The following GRIN2A variants were observed in gnomAD, a reference collection of about 807,000 sequenced individuals.
GRIN2A encodes glutamate ionotropic receptor NMDA type subunit 2A, also known as glutamate receptor ionotropic, NMDA 2A.
In GRIN2A, 22 loss-of-function variants were observed where a neutral mutation model predicts 113.4. The ratio of observed to expected loss-of-function variants is 0.19; its 90% confidence interval spans 0.14 to 0.28. The LOEUF (loss-of-function observed/expected upper bound fraction) is 0.28. GRIN2A is among the 10% of genes least tolerant of loss of function. GRIN2A has a pLI of 1.00. For missense variants in GRIN2A, 1,502 were observed against 1,887.0 expected (o/e 0.80, Z 3.78); for synonymous variants, 827 against 738.4 (o/e 1.12, Z -1.94).
intron 2 of GRIN2A, among the ~76,000 whole-genome samples, chr16:10,174,045 C>T (rs748205415): frequency 9.9e-5 from 15 of 152,130 alleles, no homozygotes; most frequent in Non-Finnish European, 1.5e-4. Flanking sequence ...AACTGAAAGA[C>T]GGGACTCTAG....
At chr16:10,004,390 A>G (rs1358696674) in intron 2 of GRIN2A, among the ~76,000 whole-genome samples, 4 of 148,462 alleles carry the variant, frequency 2.7e-5, no homozygotes, top group East Asian at 1.9e-4. Context: ...CTCCATCTCA[A>G]AAAAAAAAAA....
In GRIN2A at chr16:9,975,769, A is replaced by G. The variant is rs188979738; in HGVS notation, c.415-37218T>C. Among the ~76,000 whole-genome samples the G allele has an allele frequency of 4.6e-5, 7 of 152,348 alleles. 1 individual carries two copies. The highest frequency in any genetic ancestry group is 4.6e-4 in the Admixed American group (7 of 15,306). On this transcript the variant is annotated intron_variant, in intron 2 of 12. Coordinates refer to ENST00000330684, the MANE Select transcript of GRIN2A (RefSeq NM_001134407.3). ...ACAAGACCAACTATTCTCTACCTACAAGAGATGTACTTTCAATGTAAAGAC... is the reference window on the plus strand; with the variant it reads ...ACAAGACCAACTATTCTCTACCTACGAGAGATGTACTTTCAATGTAAAGAC...
In GRIN2A at chr16:9,848,163, T is replaced by A. The variant is rs186607454; in HGVS notation, c.1328+1593A>T. 1.1e-3 allele frequency among the ~76,000 whole-genome samples: 159 copies of A among 148,710 alleles called. No individual in the cohort carries two copies. In the Middle Eastern group the frequency reaches 0.011, roughly 10 times the overall value. ...TATATAAAATATGTAAAAATATATG[T>A]TTTATATATCTCAATATATAAAAAT... On this transcript the variant is annotated intron_variant, in intron 5 of 12. Coordinates refer to ENST00000330684, the MANE Select transcript of GRIN2A (RefSeq NM_001134407.3).
chr16:10,057,298 G>A (rs145697401), intron 2 of GRIN2A, among the ~76,000 whole-genome samples: 2 of 152,118 alleles, frequency 1.3e-5, no homozygotes, highest in African/African-American at 4.8e-5. Context: ...TAAATACAAT[G>A]GGCTTGCTAT....
At chr16:9,874,863 A>G (rs750003369) in intron 4 of GRIN2A, among the ~76,000 whole-genome samples, 8 of 152,092 alleles carry the variant, frequency 5.3e-5, no homozygotes, top group Admixed American at 3.3e-4. Context: ...AGGCAGGCAG[A>G]TTGCCTGGGC....
intron 2 of GRIN2A, among the ~76,000 whole-genome samples, chr16:9,975,344 C>T (rs1397290412): frequency 6.6e-6 from 1 of 152,184 alleles, no homozygotes; most frequent in Non-Finnish European, 1.5e-5. Context: ...ATGGATCCTA[C>T]TCACAAGTCC....
intron 3 of GRIN2A, among the ~76,000 whole-genome samples, chr16:9,892,520 G>A (rs2043714595): frequency 6.6e-6 from 1 of 152,066 alleles, no homozygotes; most frequent in Non-Finnish European, 1.5e-5. Context: ...ATTAGATGAG[G>A]GGAAGGGAGA....
At chr16:9,984,147 G>T (rs1364928631) in intron 2 of GRIN2A, among the ~76,000 whole-genome samples, 1 of 151,996 alleles carries the variant, frequency 6.6e-6, no homozygotes, top group Non-Finnish European at 1.5e-5. Flanking sequence ...GATTAGTGAT[G>T]TCAAGTATTT....
intron 5 of GRIN2A, 115 bp from the exon 6 acceptor site, chr16:9,841,219 AGT>A: frequency 1.1e-6 from 1 of 879,958 alleles, no homozygotes; most frequent in East Asian, 2.6e-5. Context: ...TAAAAGGGGA[AGT>A]GGCTTTCCCA....
chr16:10,039,196 G>C (rs1229203622), intron 2 of GRIN2A, among the ~76,000 whole-genome samples: 2 of 151,944 alleles, frequency 1.3e-5, no homozygotes, highest in African/African-American at 4.8e-5. Flanking sequence ...GGAAAAGAAA[G>C]GCAGAGGGGG....
At chr16:9,964,822 C>T (rs2045519208) in intron 2 of GRIN2A, among the ~76,000 whole-genome samples, 1 of 152,200 alleles carries the variant, frequency 6.6e-6, no homozygotes, top group Non-Finnish European at 1.5e-5. Context: ...CTGAATCTCA[C>T]AACTGCAAAG....
At chr16:9,947,244 G>GT (rs1253650317) in intron 2 of GRIN2A, among the ~76,000 whole-genome samples, 1 of 151,882 alleles carries the variant, frequency 6.6e-6, no homozygotes, top group African/African-American at 2.4e-5. Flanking sequence ...TTTCCTCATT[G>GT]TTTTTTGTTT....
intron 2 of GRIN2A, among the ~76,000 whole-genome samples, chr16:9,951,535 G>A (rs573805925): frequency 1.3e-5 from 2 of 152,326 alleles, no homozygotes; most frequent in Admixed American, 6.5e-5. Flanking sequence ...TGGGCAGCCT[G>A]TCCAAGACCC....
At chr16:9,829,280 A>G (rs578001100) in intron 9 of GRIN2A, 143 bp downstream of exon 9, 5 of 638,366 alleles carry the variant, frequency 7.8e-6, no homozygotes, top group East Asian at 2.7e-5. Flanking sequence ...AAAGAGGACA[A>G]TTTGAGTTAA....
intron 2 of GRIN2A, among the ~76,000 whole-genome samples, chr16:10,051,287 T>C (rs753709534): frequency 1.3e-5 from 2 of 152,210 alleles, no homozygotes; most frequent in African/African-American, 2.4e-5. Flanking sequence ...TAAGCTCAAA[T>C]AACTGCAGTC....
At chr16:9,880,960 T>C (rs1395137210) in intron 4 of GRIN2A, among the ~76,000 whole-genome samples, 1 of 152,192 alleles carries the variant, frequency 6.6e-6, no homozygotes, top group East Asian at 1.9e-4. Context: ...TCTAAGTCTC[T>C]TGAAAACCAG....
intron 3 of GRIN2A, among the ~76,000 whole-genome samples, chr16:9,901,031 G>C (rs957084772): frequency 8.5e-5 from 13 of 152,176 alleles, no homozygotes; most frequent in African/African-American, 3.1e-4. Context: ...TGGATCAATT[G>C]ACATTCAATT....
intron 10 of GRIN2A, among the ~76,000 whole-genome samples, chr16:9,808,719 A>G (rs766644726): frequency 2.6e-5 from 4 of 152,220 alleles, no homozygotes; most frequent in Admixed American, 1.3e-4. Context: ...CCAAGAGGCC[A>G]CTCAGAAAAT....
intron 2 of GRIN2A, among the ~76,000 whole-genome samples, chr16:9,987,191 T>G (rs559428702): frequency 6.6e-6 from 1 of 152,302 alleles, no homozygotes; most frequent in Admixed American, 6.5e-5. Context: ...GATTACTAAT[T>G]ATGAAAAAAC....
Sources: allele counts gnomAD v4.1 joint callset (sites outside exome capture counted in the v4.1 genomes callset), GRCh38; gene constraint gnomAD v4.1.1; transcripts MANE v1.5; gene names NCBI Gene and HGNC (gene_info 2026-07-23, HGNC 2026-07-21).